Variants in AFF2 observed in about 807,000 individuals in gnomAD.
The protein encoded by AFF2 is ALF transcription elongation factor 2.
AFF2 carries 14 observed loss-of-function variants against 76.9 expected under a neutral mutation model. That is an observed-to-expected ratio of 0.18 (90% CI 0.12 to 0.28). AFF2 has a LOEUF of 0.28. Ranked by LOEUF, AFF2 falls within the 10% of genes least tolerant of loss-of-function variation. The pLI, the probability that AFF2 is intolerant of heterozygous loss-of-function variation, is 1.00. For synonymous variants in AFF2, 398 were observed against 366.7 expected (o/e 1.09, Z -0.98); for missense variants, 868 against 1,001.1 (o/e 0.87, Z 1.79).
intron 9 of AFF2, among the ~76,000 whole-genome samples, chrX:148,939,823 G>T (rs141639610): frequency 9.0e-6 from 1 of 111,510 alleles, no homozygotes; most frequent in Non-Finnish European, 1.9e-5. Flanking sequence ...ACTGGCACAC[G>T]TGCATTCATA....
At chrX:148,642,462 T>C (rs782288237) in intron 1 of AFF2, among the ~76,000 whole-genome samples, 2 of 112,713 alleles carry the variant, frequency 1.8e-5, no homozygotes, top group African/African-American at 3.2e-5. Context: ...GTGTCACTTA[T>C]GAGAAGCCAG....
At chrX:148,866,750 T>C (rs2070912159) in intron 7 of AFF2, among the ~76,000 whole-genome samples, 1 of 112,778 alleles carries the variant, frequency 8.9e-6, no homozygotes, top group Admixed American at 9.4e-5. Flanking sequence ...TTGAGAATTA[T>C]GCAAAAGTAG....
In AFF2 at chrX:148,544,864, T is replaced by C. The variant is rs1412843071; in HGVS notation, c.47+43720T>C. 6.3e-5 allele frequency among the ~76,000 whole-genome samples: 7 copies of C among 111,642 alleles called. No homozygotes were observed. The East Asian group carries it at 2.0e-3, about 32-fold the overall frequency. On this transcript the variant is annotated intron_variant, in intron 1 of 20. Transcript: ENST00000370460. Reference sequence around the variant, plus strand: ...GCTGTGAGGCTATGCAAATATCCCATTGTTTCTTAGAGCTTCACCCACTAA... The same window carrying C: ...GCTGTGAGGCTATGCAAATATCCCACTGTTTCTTAGAGCTTCACCCACTAA...
In AFF2 at chrX:148,662,263, AC is replaced by A; in HGVS notation, c.537del (p.Asn179LysfsTer6). On this transcript the variant is annotated frameshift_variant, in exon 3 of 21. Transcript: ENST00000370460. LOFTEE classifies it high-confidence loss of function. Reference protein sequence around the residue: ...VLASQASGQPNKMQTLTQDQS... With the variant: ...VLASQASGQPXKMQTLTQDQS... ...GCAAGCCAGGCCAGTGGTCAGCCAA[AC>A]AAGATGCAGACTTTGACACAGGACC... 8.3e-7 allele frequency: 1 copy of A among 1,211,739 alleles called. No homozygotes were observed. Among genetic ancestry groups the A allele is most frequent in the Non-Finnish European group, 1.1e-6 (1 of 895,511 alleles).
At chrX:148,857,785 C>A (rs1737578972) in intron 7 of AFF2, among the ~76,000 whole-genome samples, 1 of 111,288 alleles carries the variant, frequency 9.0e-6, no homozygotes, top group African/African-American at 3.2e-5. Flanking sequence ...GAAACCTGTT[C>A]AAAAATTATA....
intron 9 of AFF2, among the ~76,000 whole-genome samples, chrX:148,905,421 ATCT>A (rs1487383876): frequency 2.7e-5 from 3 of 112,038 alleles, no homozygotes; most frequent in African/African-American, 9.7e-5. Context: ...GGGGGTTGAA[ATCT>A]TCTCTGCAGC....
At chrX:148,945,375 G>T (rs1414557966) in intron 9 of AFF2, among the ~76,000 whole-genome samples, 1 of 112,185 alleles carries the variant, frequency 8.9e-6, no homozygotes, top group African/African-American at 3.2e-5. Context: ...TGCTAAAGGA[G>T]GACAGAATAA....
chrX:148,629,254 A>G (rs995591222), intron 1 of AFF2, among the ~76,000 whole-genome samples: 2 of 111,174 alleles, frequency 1.8e-5, no homozygotes, highest in Non-Finnish European at 3.8e-5. Flanking sequence ...TTTCAACTGT[A>G]AATATTATGT....
chrX:148,540,996 C>T (rs782686560), intron 1 of AFF2, among the ~76,000 whole-genome samples: 7 of 112,250 alleles, frequency 6.2e-5, no homozygotes, highest in Admixed American at 9.5e-5. Flanking sequence ...CTTTCAGCTA[C>T]GCCAGATGCC....
chrX:148,961,149 T>C (rs2124373429), intron 12 of AFF2, among the ~76,000 whole-genome samples: 1 of 112,145 alleles, frequency 8.9e-6, no homozygotes, highest in East Asian at 2.8e-4. Context: ...CAGAAGCAGC[T>C]CTTTCCCTTG....
intron 7 of AFF2, among the ~76,000 whole-genome samples, chrX:148,873,179 A>G (rs1319669636): frequency 4.5e-5 from 5 of 111,198 alleles, no homozygotes; most frequent in Non-Finnish European, 9.4e-5. Context: ...TGGAAATTCC[A>G]AAGTCAGGGA....
chrX:148,904,412 A>G (rs782168708), intron 9 of AFF2, 154 bp downstream of exon 9: 51 of 412,990 alleles, frequency 1.2e-4, no homozygotes, highest in Admixed American at 9.2e-5. Context: ...AAATCCTCCA[A>G]TGAGCAGGGA....
At chrX:148,744,070 T>G (rs16994697) in intron 3 of AFF2, among the ~76,000 whole-genome samples, 2,964 of 111,005 alleles carry the variant, frequency 0.027, 99 homozygotes, top group African/African-American at 0.09. Flanking sequence ...TTACGTTATA[T>G]GCCGAAAGAA....
At chrX:148,665,452 A>T (rs781923086) in intron 3 of AFF2, among the ~76,000 whole-genome samples, 7 of 111,762 alleles carry the variant, frequency 6.3e-5, no homozygotes, top group Non-Finnish European at 1.1e-4. Context: ...ATTTTAAAAT[A>T]TGGGTTTCAA....
chrX:148,501,016 C>T lies in AFF2; in HGVS notation c.-82C>T. 2.7e-6 allele frequency: 3 copies of T among 1,131,308 alleles called. No homozygotes were observed. The highest frequency in any genetic ancestry group is 3.5e-6 in the Non-Finnish European group (3 of 846,993). The allele number at this position is 1,131,308 out of a possible 1,213,427, so 93.2% of individuals were successfully genotyped here. The stretch of plus-strand genomic sequence containing the variant: ...CTGGAGAGCCGGGGGCCGCCGAGAA[C>T]CGCCAGCGAGCTGTGCCGAGAGCCG... On this transcript the variant is annotated 5_prime_UTR_variant, in exon 1 of 21. Coordinates refer to ENST00000370460, the MANE Select transcript of AFF2 (RefSeq NM_002025.4).
rs200728049 is a variant in AFF2 at position 148,700,381 on chromosome X, G to A, written c.1041+37613G>A. Among the ~76,000 whole-genome samples the A allele has an allele frequency of 6.5e-5, 7 of 108,225 alleles. No homozygotes were observed. The South Asian group carries it at 1.7e-3, about 26-fold the overall frequency. 94.0% of individuals were successfully genotyped at this position (108,225 alleles called of 115,157 possible). ...GGTGGAGTTACCCAAGGGAGTATTT[G>A]AGCCCCATATTGATCCAAAGGAAGG... On this transcript the variant is annotated intron_variant, in intron 3 of 20. Transcript: ENST00000370460.
At chrX:148,853,276 T>C (rs2070752093) in intron 7 of AFF2, among the ~76,000 whole-genome samples, 1 of 111,524 alleles carries the variant, frequency 9.0e-6, no homozygotes, top group Non-Finnish European at 1.9e-5. Context: ...TTAGATTTGG[T>C]CTTCACTCAA....
intron 1 of AFF2, among the ~76,000 whole-genome samples, chrX:148,533,115 C>CT (rs2052747507): frequency 9.0e-6 from 1 of 111,331 alleles, no homozygotes; most frequent in Non-Finnish European, 1.9e-5. Context: ...TTCAGAGTGG[C>CT]TTTTGCAAAT....
chrX:148,558,772 T>A (rs905049510), intron 1 of AFF2, among the ~76,000 whole-genome samples: 11 of 111,902 alleles, frequency 9.8e-5, no homozygotes, highest in Non-Finnish European at 2.1e-4. Context: ...GATTTACCAG[T>A]GCCAAATGCA....
Sources: allele counts gnomAD v4.1 joint callset (sites outside exome capture counted in the v4.1 genomes callset), GRCh38; gene constraint gnomAD v4.1.1; transcripts MANE v1.5; gene names NCBI Gene and HGNC (gene_info 2026-07-23, HGNC 2026-07-21).